The following CLNK variants were observed in gnomAD, a reference collection of about 807,000 sequenced individuals.
CLNK encodes the protein cytokine-dependent hematopoietic cell linker.
A neutral mutation model predicts 68.6 loss-of-function variants in CLNK; 74 were observed. The observed-to-expected ratio is 1.08, with a 90% confidence interval of 0.89 to 1.31. CLNK has a LOEUF of 1.31. CLNK is among the 50% of genes most tolerant of loss of function. The pLI is 0.00. For synonymous variants in CLNK, 198 were observed against 172.2 expected (o/e 1.15, Z -1.17); for missense variants, 553 against 515.3 (o/e 1.07, Z -0.71).
intron 2 of CLNK, among the ~76,000 whole-genome samples, chr4:10,660,195 G>A (rs1426389167): frequency 6.6e-6 from 1 of 152,106 alleles, no homozygotes; most frequent in Non-Finnish European, 1.5e-5. Context: ...ACAAAATGCA[G>A]CCTCTTAATA....
At chr4:10,564,989 C>T (rs1029894068) in intron 6 of CLNK, among the ~76,000 whole-genome samples, 3 of 152,162 alleles carry the variant, frequency 2.0e-5, no homozygotes, top group Non-Finnish European at 4.4e-5. Context: ...AAGTTTGAAC[C>T]TGAATATTCT....
chr4:10,566,101 TC>T lies in CLNK; in HGVS notation c.199del (p.Asp67MetfsTer25), dbSNP rs755189140. ...CCGAAGCTCAGGGTCATCATAGTCA[TC>T]ATCACTGTGGCCTTTTGCTCCATCC... is the stretch of plus-strand genomic sequence containing the variant. ...VLDGAKGHSDDDYDDPELRME... is the reference protein window; with the variant it reads ...VLDGAKGHSDXDYDDPELRME... On this transcript the variant is annotated frameshift_variant, in exon 6 of 19. Coordinates refer to ENST00000226951, the MANE Select transcript of CLNK (RefSeq NM_052964.4). LOFTEE classifies it high-confidence loss of function. 3 of 1,613,950 alleles carry T rather than the reference TC, an allele frequency of 1.9e-6. No individual in the cohort carries two copies. In the East Asian group the frequency reaches 6.7e-5, roughly 36 times the overall value.
chr4:10,701,825 C>T, the CLNK span, among the ~76,000 whole-genome samples: 1 of 152,192 alleles, frequency 6.6e-6, no homozygotes, highest in African/African-American at 2.4e-5. Context: ...TCCAGGTAGA[C>T]AGACTCCAGA....
intron 8 of CLNK, 67 bp downstream of exon 8, chr4:10,558,340 G>A: frequency 7.4e-7 from 1 of 1,347,244 alleles, no homozygotes; most frequent in Admixed American, 1.7e-5. Context: ...AGTAATGCGA[G>A]AGGATCTTAG....
At position 10,549,948 on chromosome 4, in the gene CLNK, T is replaced by C. The variant is rs112832594; in HGVS notation, c.446-7668A>G. On this transcript the variant is annotated intron_variant, in intron 8 of 18. Transcript: ENST00000226951. ...TACTGCTTTTGGGTAGGTAATGTAC[T>C]GAGGTGGGCATAGCATGGTTGCAGA... 5.9e-3 allele frequency among the ~76,000 whole-genome samples: 898 copies of C among 152,320 alleles called. 5 individuals are homozygous for C. Among genetic ancestry groups the C allele is most frequent in the African/African-American group, 0.02 (841 of 41,554 alleles).
chr4:10,655,562 A>G (rs1166348113), intron 2 of CLNK, among the ~76,000 whole-genome samples: 6 of 152,048 alleles, frequency 3.9e-5, no homozygotes, highest in African/African-American at 1.5e-4. Flanking sequence ...AAGAAAACCT[A>G]GAAAAGATCT....
intron 2 of CLNK, among the ~76,000 whole-genome samples, chr4:10,633,767 G>T (rs1175645591): frequency 6.6e-6 from 1 of 152,138 alleles, no homozygotes; most frequent in African/African-American, 2.4e-5. Context: ...AATAGAATTG[G>T]CAATCATACT....
At chr4:10,561,834 G>C (rs1378414490) in intron 7 of CLNK, among the ~76,000 whole-genome samples, 1 of 151,294 alleles carries the variant, frequency 6.6e-6, no homozygotes, top group Non-Finnish European at 1.5e-5. Flanking sequence ...GATGAACTGG[G>C]GAAAGACTCG....
chr4:10,672,188 C>G (rs73103727), intron 1 of CLNK, among the ~76,000 whole-genome samples: 5 of 152,128 alleles, frequency 3.3e-5, no homozygotes, highest in Non-Finnish European at 7.3e-5. Context: ...GAGGGAACTG[C>G]GCACTATGGG....
At chr4:10,530,234 C>T (rs557889348) in intron 12 of CLNK, among the ~76,000 whole-genome samples, 5 of 152,184 alleles carry the variant, frequency 3.3e-5, no homozygotes, top group East Asian at 1.9e-4. Context: ...GCCACCTCTC[C>T]GGGGTTTCAT....
intron 7 of CLNK, among the ~76,000 whole-genome samples, chr4:10,561,309 CA>C (rs1349613519): frequency 6.6e-6 from 1 of 152,136 alleles, no homozygotes; most frequent in Non-Finnish European, 1.5e-5. Context: ...CACATAATTT[CA>C]TTTGACTTAA....
At chr4:10,496,844 A>G (rs915908628) in intron 18 of CLNK, among the ~76,000 whole-genome samples, 2 of 152,240 alleles carry the variant, frequency 1.3e-5, no homozygotes, top group African/African-American at 2.4e-5. Context: ...CAAGTAACCA[A>G]TGGAAACCTC....
chr4:10,606,791 T>C (rs987591050), intron 2 of CLNK, among the ~76,000 whole-genome samples: 1 of 152,204 alleles, frequency 6.6e-6, no homozygotes, highest in African/African-American at 2.4e-5. Context: ...TCTATATCTA[T>C]ATATACACAC....
chr4:10,529,852 T>G (rs959698784), intron 12 of CLNK, among the ~76,000 whole-genome samples: 17 of 152,204 alleles, frequency 1.1e-4, no homozygotes, highest in Non-Finnish European at 2.5e-4. Flanking sequence ...GGGCTCTGAA[T>G]TTAAAATCAA....
chr4:10,571,885 T>G, intron 4 of CLNK, 107 bp from the exon 5 acceptor site: 1 of 806,548 alleles, frequency 1.2e-6, no homozygotes, highest in South Asian at 1.6e-5. Context: ...CAGTTTTAAT[T>G]AACTTACCTT....
chr4:10,625,936 G>A (rs1722650824), intron 2 of CLNK, among the ~76,000 whole-genome samples: 1 of 152,250 alleles, frequency 6.6e-6, no homozygotes, highest in African/African-American at 2.4e-5. Flanking sequence ...GACCTTCTCT[G>A]TAGTGGGCAC....
At chr4:10,508,922 C>T (rs1036332871) in intron 16 of CLNK, among the ~76,000 whole-genome samples, 8 of 152,170 alleles carry the variant, frequency 5.3e-5, no homozygotes, top group East Asian at 1.9e-4. Flanking sequence ...TCCTGGCCAA[C>T]ATGGTGAAAC....
intron 2 of CLNK, among the ~76,000 whole-genome samples, chr4:10,641,241 C>G (rs905245417): frequency 3.3e-5 from 5 of 152,006 alleles, no homozygotes; most frequent in African/African-American, 1.2e-4. Flanking sequence ...CCTCCTGGGG[C>G]TGGAGGACTG....
At chr4:10,687,555 T>C (rs1217523625), upstream of CLNK, among the ~76,000 whole-genome samples, 1 of 150,232 alleles carries the variant, frequency 6.7e-6, no homozygotes, top group South Asian at 2.1e-4. Flanking sequence ...AGGGAAGGAG[T>C]AAAGGAGGTG....
Sources: gnomAD v4.1 joint callset for allele counts (sites outside exome capture counted in the v4.1 genomes callset) on GRCh38, gnomAD v4.1.1 for gene constraint, MANE v1.5 for transcripts, NCBI Gene and HGNC (gene_info 2026-07-23, HGNC 2026-07-21) for gene names.